Variants in FSTL3 observed in about 807,000 individuals in gnomAD.
FSTL3 encodes the protein follistatin like 3, also known as follistatin-related protein 3.
FSTL3 carries 21 observed loss-of-function variants against 28.1 expected under a neutral mutation model. The ratio of observed to expected loss-of-function variants is 0.75; its 90% CI spans 0.53 to 1.08. The LOEUF (loss-of-function observed/expected upper bound fraction) is 1.08, where lower values mean the gene tolerates loss of function less well. Among genes scored for constraint, FSTL3 ranks in the 50% least tolerant of loss-of-function variants. FSTL3 has a pLI of 0.00. For synonymous variants in FSTL3, 199 were observed against 164.2 expected, an observed-to-expected ratio of 1.21 and a Z score of -1.62; for missense variants, 400 against 380.9, an observed-to-expected ratio of 1.05 and a Z score of -0.42.
Position 676,463 on chromosome 19 carries a change from T to G in FSTL3, c.40T>G (p.Trp14Gly). 8.4e-7 allele frequency: 1 copy of G among 1,185,560 alleles called. No homozygotes were observed. 73.4% of individuals were successfully genotyped at this position (1,185,560 alleles called of 1,614,324 possible). Residue 14 changes from tryptophan (W) to glycine (G), a missense_variant, in exon 1 of 5, where the codon TGG (tryptophan) becomes GGG (glycine). Coordinates refer to ENST00000166139, the MANE Select transcript of FSTL3 (RefSeq NM_005860.3). ...GAPGPLWPLPWGALAWAVGFV... is the reference protein window; with the variant it reads ...GAPGPLWPLPGGALAWAVGFV... ...GCCAGGGCCACTCTGGCCTCTGCCC[T>G]GGGGGGCCCTGGCTTGGGCCGTGGG...
chr19:682,144 GCCTGGGTGTGTACGGAGGGTCTA>G lies in FSTL3; in HGVS notation c.*437_*459del, dbSNP rs1232492467. ...AGTCTGGGTGTGTACGGAGGGTCTA[GCCTGGGTGTGTACGGAGGGTCTA>G]GCCTGGGTGAGTACGGAGGGTCTAG... On this transcript the variant is annotated 3_prime_UTR_variant, in exon 5 of 5. Transcript: ENST00000166139. 7 of 368,842 alleles carry G rather than the reference GCCTGGGTGTGTACGGAGGGTCTA, an allele frequency of 1.9e-5. No homozygotes were observed. Among genetic ancestry groups the G allele is most frequent in the African/African-American group, 1.4e-4 (7 of 49,690 alleles). The allele number at this position is 368,842 out of a possible 1,614,324, so 22.8% of individuals were successfully genotyped here.
rs1467066771 is a variant in FSTL3, at chr19:676,487, G to A, written c.64G>A (p.Gly22Ser). The A allele has an allele frequency of 1.7e-6, 2 of 1,198,348 alleles. No homozygotes were observed. Among genetic ancestry groups the A allele is most frequent in the South Asian group, 3.9e-5 (1 of 25,668 alleles). The allele number at this position is 1,198,348 out of a possible 1,614,324, so 74.2% of individuals were successfully genotyped here. The change falls in exon 1 of 5, where the codon GGC (glycine) becomes AGC (serine). Residue 22 changes from glycine (G) to serine (S), a missense_variant. By Grantham distance (56) the Gly-to-Ser change is moderately conservative. Transcript: ENST00000166139. ...LPWGALAWAV[G>S]FVSSMGSGNP... The stretch of plus-strand genomic sequence containing the variant: ...CTGGGGGGCCCTGGCTTGGGCCGTG[G>A]GCTTCGTGAGCTCCATGGGCTCGGG...
chr19:680,430 G>T lies in FSTL3; in HGVS notation c.446G>T (p.Arg149Leu), dbSNP rs1049770787. Residue 149 changes from arginine to leucine, a missense_variant, in exon 3 of 5, where the codon CGC (arginine) becomes CTC (leucine). Physicochemically the swap from Arg to Leu is moderately radical, Grantham distance 102. Transcript: ENST00000166139. ...ACCTACCGCGACGAGTGCGAGCTGC[G>T]CGCCGCGCGCTGCCGCGGCCACCCG... ...GATYRDECEL[R>L]AARCRGHPDL... 2.4e-6 allele frequency: 3 copies of T among 1,266,164 alleles called. No individual in the cohort carries two copies. Among genetic ancestry groups the T allele is most frequent in the Non-Finnish European group, 2.0e-6 (2 of 1,008,228 alleles). The allele number at this position is 1,266,164 out of a possible 1,614,324, so 78.4% of individuals were successfully genotyped here.
intron 3 of FSTL3, 31 bp from the exon 4 acceptor site, chr19:681,302 C>T (rs1600661058): frequency 1.4e-6 from 2 of 1,470,294 alleles, no homozygotes; most frequent in East Asian, 4.9e-5. Context: ...GCGAGATGTC[C>T]CCTGAACTTC....
chr19:677,161 A>C (rs995448727), intron 1 of FSTL3, among the ~76,000 whole-genome samples: 1 of 152,116 alleles, frequency 6.6e-6, no homozygotes, highest in African/African-American at 2.4e-5. Context: ...TCCTGCCCCC[A>C]GGGACGGGGG....
chr19:680,930 T>C, intron 3 of FSTL3: 1 of 243,400 alleles, frequency 4.1e-6, no homozygotes, highest in Non-Finnish European at 7.9e-6. Context: ...GGCTTGTGGG[T>C]GTAACCAGAG....
At chr19:678,527 C>CTTA (rs1298561333) in intron 2 of FSTL3, among the ~76,000 whole-genome samples, 1 of 19,610 alleles carries the variant, frequency 5.1e-5, no homozygotes, top group Non-Finnish European at 1.1e-4. Flanking sequence ...TTTTTTTTTC[C>CTTA]TGAGATGGAG....
chr19:680,457 A>G lies in FSTL3; in HGVS notation c.473A>G (p.Asp158Gly). ...LRAARCRGHP[D>G]LSVMYRGRCR... ...GCCGCGCGCTGCCGCGGCCACCCGG[A>G]CCTGAGCGTCATGTACCGGGGCCGC... Residue 158 changes from aspartate (D) to glycine (G), a missense_variant, in exon 3 of 5, where the codon GAC becomes GGC. Transcript: ENST00000166139. 3.2e-6 allele frequency: 4 copies of G among 1,258,704 alleles called. No individual in the cohort carries two copies. The highest frequency in any genetic ancestry group is 2.0e-6 in the Non-Finnish European group (2 of 1,003,490). 78.0% of individuals were successfully genotyped at this position (1,258,704 alleles called of 1,614,324 possible). A position where few individuals can be genotyped will look rare whatever the true frequency, so the allele number is the denominator to read the frequency against.
At position 676,402 on chromosome 19, in the gene FSTL3, C is replaced by T. The variant is rs1470815048; in HGVS notation, c.-22C>T. ...CGGCCGCGCGCTGGGAAGTCGGTGC[C>T]GCTGCCGTCTCTGCGTTCGCCATGC... is the stretch of plus-strand genomic sequence containing the variant. On this transcript the variant is annotated 5_prime_UTR_variant, in exon 1 of 5. Coordinates refer to ENST00000166139, the MANE Select transcript of FSTL3 (RefSeq NM_005860.3). 1 of 999,870 alleles carries T rather than the reference C, an allele frequency of 1.0e-6. No individual in the cohort carries two copies. The allele number at this position is 999,870 out of a possible 1,614,324, so 61.9% of individuals were successfully genotyped here. A position where few individuals can be genotyped will look rare whatever the true frequency, so the allele number is the denominator to read the frequency against.
chr19:680,960 G>A, intron 3 of FSTL3: 1 of 317,676 alleles, frequency 3.1e-6, no homozygotes, highest in Middle Eastern at 9.2e-4. Context: ...GGAACCAGGG[G>A]GGTGAGACTG....
In FSTL3 at chr19:681,928, T is replaced by C; in HGVS notation, c.*220T>C. On this transcript the variant is annotated 3_prime_UTR_variant, in exon 5 of 5. Transcript: ENST00000166139. ...TGGGATAGACCTGCGTTCCGGACACTGAGCGCCTGATTTAGGGCCCTTCTC... is the reference window on the plus strand; with the variant it reads ...TGGGATAGACCTGCGTTCCGGACACCGAGCGCCTGATTTAGGGCCCTTCTC... 1 of 593,952 alleles carries C rather than the reference T, an allele frequency of 1.7e-6. No homozygotes were observed. Among genetic ancestry groups the C allele is most frequent in the South Asian group, 2.0e-5 (1 of 50,234 alleles). 36.8% of individuals were successfully genotyped at this position (593,952 alleles called of 1,614,324 possible).
intron 1 of FSTL3, among the ~76,000 whole-genome samples, chr19:677,410 G>A (rs539181643): frequency 6.6e-6 from 1 of 152,284 alleles, no homozygotes; most frequent in South Asian, 2.1e-4. Flanking sequence ...TCTAGACAGA[G>A]GGCAGAGGCG....
At chr19:680,616 A>G (rs1372233853) in intron 3 of FSTL3, 127 bp downstream of exon 3, 3 of 457,570 alleles carry the variant, frequency 6.6e-6, no homozygotes, top group South Asian at 1.0e-4. Context: ...CCTGAGCGTG[A>G]CGTATCGGGG....
rs1008215826 is a variant in FSTL3, at chr19:680,447, G to A, written c.463G>A (p.Gly155Ser). ...ECELRAARCR[G>S]HPDLSVMYRG... ...CGAGCTGCGCGCCGCGCGCTGCCGC[G>A]GCCACCCGGACCTGAGCGTCATGTA... The change falls in exon 3 of 5, where the codon GGC becomes AGC. Residue 155 changes from glycine to serine, a missense_variant. Coordinates refer to ENST00000166139, the MANE Select transcript of FSTL3 (RefSeq NM_005860.3). The A allele has an allele frequency of 1.0e-5, 13 of 1,263,396 alleles. No individual in the cohort carries two copies. The highest frequency in any genetic ancestry group is 9.3e-5 in the African/African-American group (6 of 64,392). The allele number at this position is 1,263,396 out of a possible 1,614,324, so 78.3% of individuals were successfully genotyped here. A position where few individuals can be genotyped will look rare whatever the true frequency, so the allele number is the denominator to read the frequency against.
In FSTL3 at chr19:682,683, C is replaced by T; in HGVS notation, c.*975C>T. The stretch of plus-strand genomic sequence containing the variant: ...ACAGAACCACCCAGCGTCTCCCCTG[C>T]TGCTGTCCACGTCAGTTCATGAGGC... On this transcript the variant is annotated 3_prime_UTR_variant, in exon 5 of 5. Transcript: ENST00000166139. The T allele has an allele frequency of 4.3e-6, 1 of 233,486 alleles. No individual in the cohort carries two copies. Among genetic ancestry groups the T allele is most frequent in the Non-Finnish European group, 8.5e-6 (1 of 118,160 alleles). 14.5% of individuals were successfully genotyped at this position (233,486 alleles called of 1,614,324 possible).
intron 2 of FSTL3, among the ~76,000 whole-genome samples, chr19:678,747 G>A (rs1465140413): frequency 6.6e-6 from 1 of 152,150 alleles, no homozygotes; most frequent in East Asian, 1.9e-4. Flanking sequence ...CTGACCTCAA[G>A]TGATCTGCCA....
chr19:679,187 C>T (rs2031273579), intron 2 of FSTL3, among the ~76,000 whole-genome samples: 1 of 152,140 alleles, frequency 6.6e-6, no homozygotes, highest in Non-Finnish European at 1.5e-5. Flanking sequence ...CACCCCCAAC[C>T]TCATCTGGCC....
In FSTL3 at chr19:680,747, A is replaced by G. The variant is rs1055385417; in HGVS notation, c.505+258A>G. 1.0e-4 allele frequency: 36 copies of G among 351,512 alleles called. 1 individual carries two copies. Among genetic ancestry groups the G allele is most frequent in the Non-Finnish European group, 9.7e-5 (19 of 195,966 alleles). 21.8% of individuals were successfully genotyped at this position (351,512 alleles called of 1,614,324 possible). On this transcript the variant is annotated intron_variant, in intron 3 of 4. Transcript: ENST00000166139. Reference sequence around the variant, plus strand: ...AGGGGCGGGGCCTCCAGCCCAGGACAGGTCACATGGGTGGCGGTGGGGCCT... The same window carrying G: ...AGGGGCGGGGCCTCCAGCCCAGGACGGGTCACATGGGTGGCGGTGGGGCCT...
intron 3 of FSTL3, 82 bp downstream of exon 3, chr19:680,571 A>G (rs1320448267): frequency 3.2e-6 from 1 of 317,446 alleles, no homozygotes; most frequent in South Asian, 1.2e-4. Flanking sequence ...CTGCCGCAGT[A>G]GGCGGGGGCG....
Sources: allele counts gnomAD v4.1 joint callset (sites outside exome capture counted in the v4.1 genomes callset), GRCh38; gene constraint gnomAD v4.1.1; transcripts MANE v1.5; gene names NCBI Gene and HGNC (gene_info 2026-07-23, HGNC 2026-07-21).